Variants in NOTCH1 observed in about 807,000 individuals in gnomAD.
NOTCH1 encodes neurogenic locus notch homolog protein 1.
NOTCH1 carries 37 observed loss-of-function variants against 254.8 expected under a neutral mutation model. That is an observed-to-expected ratio of 0.15 (90% CI 0.11 to 0.19). NOTCH1 has a LOEUF of 0.19. NOTCH1 is among the 10% of genes least tolerant of loss of function. The pLI is 1.00. For missense variants in NOTCH1, 2,972 were observed against 3,708.6 expected, an observed-to-expected ratio of 0.80 and a Z score of 5.16; for synonymous variants, 1,731 against 1,618.1, an observed-to-expected ratio of 1.07 and a Z score of -1.68.
chr9:136,523,034 G>T lies in NOTCH1; in HGVS notation c.558C>A (p.Pro186=). ...AGGTGCCTCCGTGGCGGCAAAGCCC[G>T]GGCTTCTGGCCACACTCGTTGACAT... The part of the protein sequence containing the change: ...RQDVNECGQK[P]GLCRHGGTCH... The change falls in exon 4 of 34, where the codon CCC becomes CCA. Residue 186 remains proline (P), a synonymous_variant. Coordinates refer to ENST00000651671, the MANE Select transcript of NOTCH1 (RefSeq NM_017617.5). The T allele has an allele frequency of 1.9e-6, 3 of 1,553,318 alleles. No individual in the cohort carries two copies. In the South Asian group the frequency reaches 3.6e-5, roughly 18 times the overall value.
intron 2 of NOTCH1, among the ~76,000 whole-genome samples, chr9:136,536,568 G>A (rs112734375): frequency 3.9e-5 from 6 of 152,282 alleles, no homozygotes; most frequent in East Asian, 3.9e-4. Context: ...ACTGCCCCCC[G>A]CTGCCCCAGC....
intron 2 of NOTCH1, among the ~76,000 whole-genome samples, chr9:136,527,479 G>A (rs1843482353): frequency 6.6e-6 from 1 of 152,234 alleles, no homozygotes; most frequent in African/African-American, 2.4e-5. Flanking sequence ...GGATCCTCAG[G>A]GCTTCCATGA....
At chr9:136,522,144 A>ATT (rs1304097890) in intron 4 of NOTCH1, among the ~76,000 whole-genome samples, 1 of 151,650 alleles carries the variant, frequency 6.6e-6, no homozygotes, top group East Asian at 1.9e-4. Context: ...TGCCTGGCTA[A>ATT]TTTTTTGTAT....
At chr9:136,502,614 C>A in intron 27 of NOTCH1, 126 bp from the exon 28 acceptor site, 1 of 593,496 alleles carries the variant, frequency 1.7e-6, no homozygotes, top group Non-Finnish European at 2.9e-6. Context: ...TCCTCCATCC[C>A]GCCCTCCAAA....
At chr9:136,541,107 C>A (rs1843726447) in intron 2 of NOTCH1, among the ~76,000 whole-genome samples, 1 of 152,172 alleles carries the variant, frequency 6.6e-6, no homozygotes. Flanking sequence ...CCATCTCCGA[C>A]CACAGCCACC....
Position 136,506,007 on chromosome 9 carries a change from T to C in NOTCH1, c.4015-126A>G. 2 of 805,558 alleles carry C rather than the reference T, an allele frequency of 2.5e-6. No homozygotes were observed. Among genetic ancestry groups the C allele is most frequent in the Non-Finnish European group, 3.9e-6 (2 of 518,660 alleles). The allele number at this position is 805,558 out of a possible 1,614,324, so 49.9% of individuals were successfully genotyped here. On this transcript the variant is annotated intron_variant, in intron 24 of 33. Transcript: ENST00000651671. This position sits in a 1 kb window ranked among gnomAD's most constrained non-coding sequence, Gnocchi z 4.5. ...TAACCTGGGAGGCGGCCTGCAACCT[T>C]GCCCCCAGCAGCAAAACCCTTTACA...
rs774693459 is a variant in NOTCH1, at chr9:136,500,681, G to A, written c.5805C>T (p.Ala1935=). 3.2e-5 allele frequency: 52 copies of A among 1,611,200 alleles called. No individual in the cohort carries two copies. The highest frequency in any genetic ancestry group is 1.6e-4 in the Middle Eastern group (1 of 6,084). The change falls in exon 31 of 34, where the codon GCC becomes GCT. Residue 1935 remains alanine (A), a synonymous_variant. Transcript: ENST00000651671. ...DRTGETALHL[A]ARYSRSDAAK... ...CGGCATCAGAGCGTGAGTAGCGGGC[G>A]GCCAGGTGCAAGGCGGTCTCGCCCG...
intron 2 of NOTCH1, among the ~76,000 whole-genome samples, chr9:136,530,042 G>A (rs553819692): frequency 6.6e-6 from 1 of 152,352 alleles, no homozygotes; most frequent in African/African-American, 2.4e-5. Context: ...AAGGGGCAGT[G>A]GGGGCTTCAG....
At chr9:136,512,479 G>T (rs1843196828) in intron 15 of NOTCH1, among the ~76,000 whole-genome samples, 1 of 152,202 alleles carries the variant, frequency 6.6e-6, no homozygotes, top group African/African-American at 2.4e-5. Context: ...GCAGGGGCTG[G>T]ACAGTTGGGG....
Position 136,505,721 on chromosome 9 carries a change from AGGCAGGGGCTGCTGGCCG to A in NOTCH1, c.4157_4174del (p.Pro1386_Cys1391del). On this transcript the variant is annotated inframe_deletion, in exon 25 of 34. Coordinates refer to ENST00000651671, the MANE Select transcript of NOTCH1 (RefSeq NM_017617.5). ...CTGGTTGTAGCAGGGGTTGCCGCCC[AGGCAGGGGCTGCTGGCCG>A]GGAACTGGCATTCGGGGCCCGTGAA... is the stretch of plus-strand genomic sequence containing the variant. 6.3e-7 allele frequency: 1 copy of A among 1,597,094 alleles called. No individual in the cohort carries two copies. Among genetic ancestry groups the A allele is most frequent in the South Asian group, 1.1e-5 (1 of 89,916 alleles).
chr9:136,514,806 GC>G, intron 12 of NOTCH1, 104 bp from the exon 13 acceptor site: 1 of 1,166,278 alleles, frequency 8.6e-7, no homozygotes, highest in Non-Finnish European at 1.2e-6. Flanking sequence ...CACCCTTCTG[GC>G]CACATCCTTC....
intron 2 of NOTCH1, among the ~76,000 whole-genome samples, chr9:136,536,931 C>G (rs1030046634): frequency 6.6e-6 from 1 of 152,232 alleles, no homozygotes; most frequent in Non-Finnish European, 1.5e-5. Context: ...GCTCAGTGAC[C>G]GCGGCCCCAC....
intron 33 of NOTCH1, among the ~76,000 whole-genome samples, chr9:136,498,235 TGGGGGCGGGGGTG>T (rs1564569152): frequency 4.0e-4 from 2 of 5,060 alleles, no homozygotes; most frequent in Non-Finnish European, 7.0e-4. Context: ...CAGCAGGAGT[TGGGGGCGGGGGTG>T]GGGGTTCTGG....
In NOTCH1 at chr9:136,505,058, A is replaced by G. The variant is rs2133337651; in HGVS notation, c.4633T>C (p.Cys1545Arg). ...TCCGCGCTGTTGCAGCCCTGGTCGC[A>G]GTGCCCGTCGCTGAAGTGGTCCTTG... ...YCKDHFSDGH[C>R]DQGCNSAECE... The change falls in exon 26 of 34, where the codon TGC becomes CGC. Residue 1545 changes from cysteine to arginine, a missense_variant. This residue lies in a region of NOTCH1 where 1,343 missense variants were observed against 1,557.0 expected (regional missense o/e 0.86). Transcript: ENST00000651671. 6.2e-7 allele frequency: 1 copy of G among 1,611,150 alleles called. No homozygotes were observed. The highest frequency in any genetic ancestry group is 2.2e-5 in the East Asian group (1 of 44,870).
chr9:136,531,752 C>T (rs1379315673), intron 2 of NOTCH1, among the ~76,000 whole-genome samples: 2 of 152,224 alleles, frequency 1.3e-5, no homozygotes, highest in Non-Finnish European at 2.9e-5. Flanking sequence ...GGGCAGACGC[C>T]GCCCTCCTGC....
chr9:136,511,945 T>C (rs940086715), intron 15 of NOTCH1, among the ~76,000 whole-genome samples: 6 of 152,250 alleles, frequency 3.9e-5, no homozygotes, highest in African/African-American at 1.4e-4. Flanking sequence ...TTCCTGTTTA[T>C]AGCCGTGGGG....
intron 27 of NOTCH1, 82 bp downstream of exon 27, chr9:136,503,100 A>G: frequency 6.3e-7 from 1 of 1,592,564 alleles, no homozygotes. Flanking sequence ...AGCAACTGGC[A>G]CAAACAGCCA....
chr9:136,510,353 G>A (rs944783143), intron 17 of NOTCH1, among the ~76,000 whole-genome samples: 2 of 151,764 alleles, frequency 1.3e-5, no homozygotes, highest in African/African-American at 4.8e-5. Context: ...CCTGCAGCGG[G>A]GCCCGATGAG....
rs762533002 is a variant in NOTCH1, at chr9:136,517,927, G to C, written c.1266C>G (p.Pro422=). 6.2e-6 allele frequency: 10 copies of C among 1,610,798 alleles called. No individual in the cohort carries two copies. Among genetic ancestry groups the C allele is most frequent in the Non-Finnish European group, 4.2e-6 (5 of 1,179,900 alleles). ...DVDECSLGAN[P]CEHAGKCINT... ...TGATGCACTTGCCCGCATGCTCGCA[G>C]GGGTTGGCACCTGGCGAGGGCACAC... is the stretch of plus-strand genomic sequence containing the variant. The change falls in exon 8 of 34, where the codon CCC becomes CCG. Residue 422 remains proline (P), a synonymous_variant. Transcript: ENST00000651671.
Sources: gnomAD v4.1 joint callset for allele counts (sites outside exome capture counted in the v4.1 genomes callset) on GRCh38, gnomAD v4.1.1 for gene constraint, gnomAD v4.1.1 regional missense constraint, Gnocchi (gnomAD v3.1) non-coding constraint, MANE v1.5 for transcripts, NCBI Gene and HGNC (gene_info 2026-07-23, HGNC 2026-07-21) for gene names.